Variants in SLF1 observed in about 807,000 individuals in gnomAD.
SLF1 encodes the protein SMC5/6 complex localization factor 1, also known as SMC5-SMC6 complex localization factor protein 1.
A neutral mutation model predicts 123.0 loss-of-function variants in SLF1; 105 were observed. That is an observed-to-expected ratio of 0.85 (90% CI 0.73 to 1.00). The LOEUF is 1.00. SLF1 is among the 50% of genes least tolerant of loss of function. The probability of loss-of-function intolerance (pLI) is 0.00; values close to 1 mark genes in which losing one functional copy is unlikely to be tolerated. For synonymous variants in SLF1, 434 were observed against 406.6 expected (o/e 1.07, Z -0.81); for missense variants, 1,239 against 1,223.0 (o/e 1.01, Z -0.20).
intron 12 of SLF1, among the ~76,000 whole-genome samples, chr5:94,669,831 G>A (rs1174400798): frequency 6.6e-6 from 1 of 151,830 alleles, no homozygotes; most frequent in Non-Finnish European, 1.5e-5. Context: ...AAATCAAAAG[G>A]ACTTAATGAA....
At chr5:94,623,016 T>C (rs141540660) in intron 1 of SLF1, among the ~76,000 whole-genome samples, 2 of 152,328 alleles carry the variant, frequency 1.3e-5, no homozygotes, top group Admixed American at 6.5e-5. Flanking sequence ...TCTGTATTCC[T>C]GTCTTTCCTT....
chr5:94,670,821 T>G (rs758642930), intron 13 of SLF1, 22 bp from the exon 14 acceptor site: 2 of 1,524,208 alleles, frequency 1.3e-6, no homozygotes, highest in Non-Finnish European at 1.8e-6. Flanking sequence ...AAAGATATAC[T>G]TTTTGTTTAT....
intron 5 of SLF1, among the ~76,000 whole-genome samples, chr5:94,645,100 A>G (rs2043103464): frequency 6.6e-6 from 1 of 152,234 alleles, no homozygotes; most frequent in South Asian, 2.1e-4. Flanking sequence ...GTCACTAGTT[A>G]GGAATGAGCA....
At chr5:94,620,597 A>G (rs145232525) in intron 1 of SLF1, among the ~76,000 whole-genome samples, 1 of 152,324 alleles carries the variant, frequency 6.6e-6, no homozygotes, top group East Asian at 1.9e-4. Context: ...CCATTTAAAT[A>G]AAACTTTTTT....
At chr5:94,631,993 A>G (rs1217501860) in intron 4 of SLF1, among the ~76,000 whole-genome samples, 1 of 146,108 alleles carries the variant, frequency 6.8e-6, no homozygotes, top group Non-Finnish European at 1.5e-5. Context: ...TTTTTTCCAA[A>G]TTAAATTAGC....
intron 15 of SLF1, among the ~76,000 whole-genome samples, chr5:94,681,627 C>G (rs1751780646): frequency 6.6e-6 from 1 of 151,882 alleles, no homozygotes; most frequent in South Asian, 2.1e-4. Context: ...AGGTATATCT[C>G]CCAATGCTAA....
chr5:94,626,498 G>C (rs900025452), intron 1 of SLF1, among the ~76,000 whole-genome samples: 3 of 152,086 alleles, frequency 2.0e-5, no homozygotes, highest in African/African-American at 7.2e-5. Context: ...TTCTGTATCT[G>C]AGTTTTAGAG....
chr5:94,667,332 T>C (rs1473479204), intron 12 of SLF1, among the ~76,000 whole-genome samples: 2 of 152,220 alleles, frequency 1.3e-5, no homozygotes, highest in Non-Finnish European at 2.9e-5. Context: ...AAATAGAGTT[T>C]ATGTGGCTGA....
chr5:94,643,250 A>G (rs1211973397), intron 4 of SLF1, 23 bp from the exon 5 acceptor site: 1 of 1,476,360 alleles, frequency 6.8e-7, no homozygotes, highest in South Asian at 1.3e-5. Flanking sequence ...TAATACTTTT[A>G]TACCATTTAC....
At position 94,684,967 on chromosome 5, in the gene SLF1, T is replaced by C. The variant is rs75149887; in HGVS notation, c.1976-1606T>C. 2.0e-3 allele frequency among the ~76,000 whole-genome samples: 309 copies of C among 152,374 alleles called. 2 individuals carry two copies. The highest frequency in any genetic ancestry group is 7.2e-3 in the African/African-American group (301 of 41,596). On this transcript the variant is annotated intron_variant, in intron 15 of 20. Coordinates refer to ENST00000265140, the MANE Select transcript of SLF1 (RefSeq NM_032290.4). ...TATTTGTTGTTGGGGCTGTCCTGTG[T>C]ATTGCAGCGTCCTGGGCCTTTGCCC... is the stretch of plus-strand genomic sequence containing the variant.
chr5:94,684,676 C>T (rs1369602978), intron 15 of SLF1, among the ~76,000 whole-genome samples: 1 of 106,096 alleles, frequency 9.4e-6, no homozygotes, highest in Non-Finnish European at 1.7e-5. Context: ...CCAGCCTGGG[C>T]AATAGAGCGA....
rs150396950 is a variant in SLF1 at position 94,654,781 on chromosome 5, A to G, written c.1155+29A>G. ...AAACTTGGCACATGAAAAATTTTGT[A>G]TAATATCGTGTCTTACTGTAGTGTA... is the stretch of plus-strand genomic sequence containing the variant. On this transcript the variant is annotated intron_variant, in intron 9 of 20. Coordinates refer to ENST00000265140, the MANE Select transcript of SLF1 (RefSeq NM_032290.4). 6.7e-3 allele frequency: 9,903 copies of G among 1,467,262 alleles called. 31 individuals are homozygous for G. Among genetic ancestry groups the G allele is most frequent in the Non-Finnish European group, 8.1e-3 (9,002 of 1,106,720 alleles). 90.9% of individuals were successfully genotyped at this position (1,467,262 alleles called of 1,614,324 possible).
chr5:94,694,592 A>G (rs1304898746), intron 20 of SLF1, among the ~76,000 whole-genome samples: 1 of 152,008 alleles, frequency 6.6e-6, no homozygotes, highest in East Asian at 1.9e-4. Context: ...AGTTGTATTT[A>G]TTATTTATTT....
intron 5 of SLF1, among the ~76,000 whole-genome samples, chr5:94,644,232 G>A (rs1746759535): frequency 6.6e-6 from 1 of 152,066 alleles, no homozygotes; most frequent in African/African-American, 2.4e-5. Flanking sequence ...TCCTGGAATA[G>A]GCTTGTGATT....
chr5:94,689,668 C>A, intron 18 of SLF1, 62 bp downstream of exon 18: 1 of 1,465,362 alleles, frequency 6.8e-7, no homozygotes. Flanking sequence ...TCAGTACTTG[C>A]AGGTTTCACA....
At chr5:94,663,069 AAC>A (rs1749319219) in intron 10 of SLF1, among the ~76,000 whole-genome samples, 1 of 152,180 alleles carries the variant, frequency 6.6e-6, no homozygotes, top group South Asian at 2.1e-4. Flanking sequence ...AAGATATTTT[AAC>A]AGAGTTCATT....
chr5:94,619,945 A>G (rs1408733290), intron 1 of SLF1: 4 of 152,098 alleles, frequency 2.6e-5, no homozygotes, highest in Admixed American at 6.5e-5. Flanking sequence ...TGCAGTGCCT[A>G]TCGGCTCACT....
At chr5:94,687,827 GTTA>G (rs1752611044) in intron 16 of SLF1, among the ~76,000 whole-genome samples, 1 of 151,886 alleles carries the variant, frequency 6.6e-6, no homozygotes, top group Non-Finnish European at 1.5e-5. Context: ...TCCTACATAG[GTTA>G]TTATTTTGGA....
chr5:94,627,793 A>G (rs1286442912), intron 1 of SLF1, among the ~76,000 whole-genome samples: 2 of 150,702 alleles, frequency 1.3e-5, no homozygotes, highest in Non-Finnish European at 3.0e-5. Flanking sequence ...TGATTGTATC[A>G]TTGTCTGTAG....
Sources: gnomAD v4.1 joint callset for allele counts (sites outside exome capture counted in the v4.1 genomes callset) on GRCh38, gnomAD v4.1.1 for gene constraint, MANE v1.5 for transcripts, NCBI Gene and HGNC (gene_info 2026-07-23, HGNC 2026-07-21) for gene names.